Variants in CACNA1C observed in about 807,000 individuals in gnomAD.
CACNA1C encodes voltage-dependent L-type calcium channel subunit alpha-1C.
In CACNA1C, 30 loss-of-function variants were observed where a neutral mutation model predicts 229.0. The observed-to-expected ratio is 0.13, with a 90% CI of 0.10 to 0.18. CACNA1C has a LOEUF of 0.18. Among genes scored for constraint, CACNA1C ranks in the 10% least tolerant of loss-of-function variants. CACNA1C has a pLI of 1.00. For synonymous variants in CACNA1C, 1,114 were observed against 1,132.5 expected, an observed-to-expected ratio of 0.98 and a Z score of 0.33; for missense variants, 1,658 against 2,845.0, an observed-to-expected ratio of 0.58 and a Z score of 9.49.
chr12:2,408,751 T>C (rs146371953), intron 3 of CACNA1C, among the ~76,000 whole-genome samples: 74 of 152,356 alleles, frequency 4.9e-4, no homozygotes, highest in African/African-American at 1.8e-3. Context: ...TTTGTCCACA[T>C]TTCATTTCTT....
chr12:2,052,833 G>A (rs1193562579), upstream of CACNA1C, among the ~76,000 whole-genome samples: 1 of 141,898 alleles, frequency 7.0e-6, no homozygotes, highest in Non-Finnish European at 1.6e-5. Flanking sequence ...CGTGCGCCCG[G>A]CTCCCTGCGC....
At chr12:2,546,193 A>G (rs909833135) in intron 9 of CACNA1C, among the ~76,000 whole-genome samples, 11 of 151,800 alleles carry the variant, frequency 7.2e-5, no homozygotes, top group Non-Finnish European at 1.0e-4. Flanking sequence ...GTGTCTTCAC[A>G]CACTCCTGTG....
rs1351866261 is a variant in CACNA1C, at chr12:2,653,039, C to T, written c.4075-796C>T. Among the ~76,000 whole-genome samples the T allele has an allele frequency of 6.6e-6, 1 of 152,224 alleles. No individual in the cohort carries two copies. The highest frequency in any genetic ancestry group is 1.5e-5 in the Non-Finnish European group (1 of 68,036). ...CCGGTGGCCACGGCTGAAGCGGCGCCCGGGAACACGGGCTGGGCCTCCCAT... is the reference window on the plus strand; with the variant it reads ...CCGGTGGCCACGGCTGAAGCGGCGCTCGGGAACACGGGCTGGGCCTCCCAT... On this transcript the variant is annotated intron_variant, in intron 32 of 46. Transcript: ENST00000399655. The surrounding 1 kb of genome is among the most constrained non-coding windows in gnomAD (Gnocchi z 4.7).
intron 3 of CACNA1C, among the ~76,000 whole-genome samples, chr12:2,375,965 A>G (rs944874392): frequency 6.6e-6 from 1 of 152,220 alleles, no homozygotes. Context: ...ACCAACCTAG[A>G]AACAGTCCAA....
At chr12:2,339,526 TTATAA>T (rs1447956163) in intron 3 of CACNA1C, among the ~76,000 whole-genome samples, 1 of 152,266 alleles carries the variant, frequency 6.6e-6, no homozygotes, top group Non-Finnish European at 1.5e-5. Flanking sequence ...TTGATGACTC[TTATAA>T]TAACATGTAG....
chr12:2,666,623 C>A lies in CACNA1C; in HGVS notation c.4527-63C>A. 9.2e-7 allele frequency: 1 copy of A among 1,088,146 alleles called. No homozygotes were observed. The highest frequency in any genetic ancestry group is 1.4e-6 in the Non-Finnish European group (1 of 726,686). 67.4% of individuals were successfully genotyped at this position (1,088,146 alleles called of 1,614,324 possible). On this transcript the variant is annotated intron_variant, in intron 36 of 46. Coordinates refer to ENST00000399655, the MANE Select transcript of CACNA1C (RefSeq NM_000719.7). The surrounding 1 kb of genome is among the most constrained non-coding windows in gnomAD (Gnocchi z 5.3). ...GCCCTACCCCTCAGGCGCATGCGTCCTGGGCTGCTGGCAGAGACCGTGGCT... is the reference window on the plus strand; with the variant it reads ...GCCCTACCCCTCAGGCGCATGCGTCATGGGCTGCTGGCAGAGACCGTGGCT...
chr12:2,336,254 T>C (rs1403700178), intron 3 of CACNA1C, among the ~76,000 whole-genome samples: 1 of 152,226 alleles, frequency 6.6e-6, no homozygotes, highest in Non-Finnish European at 1.5e-5. Flanking sequence ...CCTATCTTTC[T>C]ATTGTATTGG....
At chr12:2,475,084 G>A (rs1217728414) in intron 5 of CACNA1C, among the ~76,000 whole-genome samples, 1 of 152,148 alleles carries the variant, frequency 6.6e-6, no homozygotes, top group Non-Finnish European at 1.5e-5. Context: ...CGGATCACGA[G>A]GTCAGGAGAT....
intron 29 of CACNA1C, among the ~76,000 whole-genome samples, chr12:2,621,234 G>T (rs1468561650): frequency 2.6e-5 from 4 of 152,174 alleles, no homozygotes; most frequent in Non-Finnish European, 4.4e-5. Flanking sequence ...TTCAGATGGG[G>T]TAAGGGCTGG....
At chr12:2,095,216 C>T (rs2073317622) in intron 1 of CACNA1C, among the ~76,000 whole-genome samples, 1 of 152,198 alleles carries the variant, frequency 6.6e-6, no homozygotes, top group African/African-American at 2.4e-5. Context: ...TTTCTAGATC[C>T]TGCACTCCCA....
chr12:2,129,916 A>T (rs1229116416), intron 3 of CACNA1C, among the ~76,000 whole-genome samples: 2 of 152,198 alleles, frequency 1.3e-5, no homozygotes, highest in African/African-American at 4.8e-5. Context: ...AAGTTAGAGT[A>T]AATAGATCCT....
intron 3 of CACNA1C, among the ~76,000 whole-genome samples, chr12:2,265,565 G>T (rs1378812127): frequency 1.3e-5 from 2 of 152,298 alleles, no homozygotes; most frequent in East Asian, 3.9e-4. Context: ...CAACCTCTTT[G>T]TTCTGTGGTT....
intron 29 of CACNA1C, among the ~76,000 whole-genome samples, chr12:2,620,006 A>G (rs1162843535): frequency 2.0e-5 from 3 of 152,210 alleles, no homozygotes; most frequent in Non-Finnish European, 4.4e-5. Context: ...TCGATAATCA[A>G]TGCCTACACC....
chr12:2,183,131 C>T (rs897821547), intron 3 of CACNA1C, among the ~76,000 whole-genome samples: 1 of 152,112 alleles, frequency 6.6e-6, no homozygotes, highest in Non-Finnish European at 1.5e-5. Flanking sequence ...TCTCGGCCTC[C>T]CAAAGTGCTG....
chr12:2,217,966 A>G (rs1347758139), intron 3 of CACNA1C: 1 of 152,146 alleles, frequency 6.6e-6, no homozygotes, highest in Non-Finnish European at 1.5e-5. Context: ...CGTACTTGAG[A>G]TAGATATTCA....
At chr12:2,257,922 G>A (rs1016898021) in intron 3 of CACNA1C, among the ~76,000 whole-genome samples, 2 of 152,094 alleles carry the variant, frequency 1.3e-5, no homozygotes, top group African/African-American at 4.8e-5. Flanking sequence ...TACAGAAGCG[G>A]CATTTTCATA....
chr12:2,601,992 C>T lies in CACNA1C; in HGVS notation c.2960+32C>T. On this transcript the variant is annotated intron_variant, in intron 22 of 46. Transcript: ENST00000399655. This position sits in a 1 kb window ranked among gnomAD's most constrained non-coding sequence, Gnocchi z 5.9. The stretch of plus-strand genomic sequence containing the variant: ...GGGAGCCCCTCAGCCCACGATGGGC[C>T]ATGCAGCTAGCAAGGGGTGCCAGAG... 7.1e-7 allele frequency: 1 copy of T among 1,410,298 alleles called. No individual in the cohort carries two copies. Among genetic ancestry groups the T allele is most frequent in the Non-Finnish European group, 1.0e-6 (1 of 994,048 alleles). The allele number at this position is 1,410,298 out of a possible 1,614,324, so 87.4% of individuals were successfully genotyped here.
rs1015761556 is a variant in CACNA1C, at chr12:1,990,009, G to A, written c.139+18808G>A. Among the ~76,000 whole-genome samples the A allele has an allele frequency of 2.2e-4, 33 of 152,238 alleles. No homozygotes were observed. The South Asian group carries it at 3.9e-3, about 18-fold the overall frequency. ...TTGGAGCGTACTCTAAAATAACTAA[G>A]TGTTTGTAAATGATAAACTTGGCTC... is the stretch of plus-strand genomic sequence containing the variant. On this transcript the variant is annotated intron_variant, in intron 1 of 46. Transcript: ENST00000682462.
At chr12:2,128,553 C>G (rs369447919) in intron 3 of CACNA1C, among the ~76,000 whole-genome samples, 2 of 152,144 alleles carry the variant, frequency 1.3e-5, no homozygotes, top group South Asian at 4.2e-4. Flanking sequence ...TGGGACTACA[C>G]GCGCTCAGCA....
Sources: allele counts gnomAD v4.1 joint callset (sites outside exome capture counted in the v4.1 genomes callset), GRCh38; gene constraint gnomAD v4.1.1; non-coding constraint Gnocchi (gnomAD v3.1); transcripts MANE v1.5; gene names NCBI Gene and HGNC (gene_info 2026-07-23, HGNC 2026-07-21).